Variants in ITGB3BP observed in about 807,000 individuals in gnomAD.
ITGB3BP encodes integrin subunit beta 3 binding protein.
Under a neutral mutation model 29.1 loss-of-function variants are expected in ITGB3BP, and 27 were observed. The observed-to-expected ratio is 0.93, with a 90% CI of 0.68 to 1.28. ITGB3BP has a LOEUF of 1.28. Ranked by LOEUF, ITGB3BP falls within the 50% of genes most tolerant of loss-of-function variation. The pLI is 0.00. For synonymous variants in ITGB3BP, 61 were observed against 61.4 expected, an observed-to-expected ratio of 0.99 and a Z score of 0.03; for missense variants, 192 against 200.2, an observed-to-expected ratio of 0.96 and a Z score of 0.25.
intron 8 of ITGB3BP, among the ~76,000 whole-genome samples, chr1:63,444,358 TTC>T (rs1427793597): frequency 6.6e-6 from 1 of 151,442 alleles, no homozygotes. Flanking sequence ...CTGTTGGATT[TTC>T]ATGGGTCAGA....
chr1:63,474,901 AT>A (rs1463485744), intron 4 of ITGB3BP, among the ~76,000 whole-genome samples: 96 of 35,944 alleles, frequency 2.7e-3, no homozygotes, highest in Middle Eastern at 0.019. Flanking sequence ...AAAAAAAAAA[AT>A]AAATAAATAA....
chr1:63,479,038 T>A (rs957410253), intron 3 of ITGB3BP, among the ~76,000 whole-genome samples: 7 of 152,066 alleles, frequency 4.6e-5, no homozygotes, highest in Non-Finnish European at 7.4e-5. Flanking sequence ...GAAAAAATAA[T>A]CTTTTGAATA....
intron 7 of ITGB3BP, among the ~76,000 whole-genome samples, chr1:63,447,361 G>A (rs1644802417): frequency 6.6e-6 from 1 of 152,222 alleles, no homozygotes; most frequent in South Asian, 2.1e-4. Flanking sequence ...TGTACTGCAT[G>A]TGGAACTTCT....
At chr1:63,471,120 C>G (rs1054197320) in intron 4 of ITGB3BP, among the ~76,000 whole-genome samples, 2 of 152,170 alleles carry the variant, frequency 1.3e-5, no homozygotes, top group Non-Finnish European at 2.9e-5. Context: ...GATTGTCTTG[C>G]AAATCTTTTC....
At chr1:63,469,930 G>T (rs1645167612) in intron 4 of ITGB3BP, among the ~76,000 whole-genome samples, 1 of 152,226 alleles carries the variant, frequency 6.6e-6, no homozygotes, top group Non-Finnish European at 1.5e-5. Context: ...CGGAATGAGG[G>T]CAAGGAACAC....
intron 2 of ITGB3BP, among the ~76,000 whole-genome samples, chr1:63,506,725 A>G (rs917562103): frequency 6.6e-6 from 1 of 152,208 alleles, no homozygotes; most frequent in African/African-American, 2.4e-5. Flanking sequence ...AACAGGCTCC[A>G]CTTCAACCAA....
At chr1:63,514,944 C>CAAAAAAA (rs55738892) in intron 1 of ITGB3BP, among the ~76,000 whole-genome samples, 2 of 117,062 alleles carry the variant, frequency 1.7e-5, no homozygotes, top group Non-Finnish European at 3.6e-5. Flanking sequence ...GACTCTGTCT[C>CAAAAAAA]AAAAAAAAAA....
chr1:63,444,138 T>C (rs546758242), intron 8 of ITGB3BP, among the ~76,000 whole-genome samples: 34 of 152,074 alleles, frequency 2.2e-4, no homozygotes, highest in Non-Finnish European at 7.4e-5. Flanking sequence ...CTTAATTCTT[T>C]CCAGTTTCTT....
At chr1:63,477,312 A>G (rs540071682) in intron 4 of ITGB3BP, among the ~76,000 whole-genome samples, 4 of 152,360 alleles carry the variant, frequency 2.6e-5, no homozygotes, top group Non-Finnish European at 5.9e-5. Flanking sequence ...ACAGATTATA[A>G]CACTATTTGC....
chr1:63,523,749 GTACC>G (rs1360454226), upstream of ITGB3BP: 1 of 155,272 alleles, frequency 6.4e-6, no homozygotes, highest in African/African-American at 2.4e-5. Context: ...GTCCATGTAT[GTACC>G]TAAAATGTAC....
chr1:63,476,595 A>G (rs1225169997), intron 4 of ITGB3BP, among the ~76,000 whole-genome samples: 1 of 152,202 alleles, frequency 6.6e-6, no homozygotes, highest in Non-Finnish European at 1.5e-5. Flanking sequence ...ATTGTTTTAA[A>G]AGTCTAAGCT....
chr1:63,505,730 T>C (rs1646061853), intron 2 of ITGB3BP, among the ~76,000 whole-genome samples: 1 of 152,190 alleles, frequency 6.6e-6, no homozygotes, highest in South Asian at 2.1e-4. Context: ...TTCTCGTTGG[T>C]TTCAAAGAAC....
chr1:63,493,091 C>CGCGCGT (rs1645697608), intron 2 of ITGB3BP, among the ~76,000 whole-genome samples: 1 of 150,284 alleles, frequency 6.7e-6, no homozygotes, highest in African/African-American at 2.5e-5. Context: ...CACACACACG[C>CGCGCGT]GCGCGCGCGC....
chr1:63,450,113 C>T (rs1644841944), intron 7 of ITGB3BP, among the ~76,000 whole-genome samples: 1 of 151,848 alleles, frequency 6.6e-6, no homozygotes, highest in Non-Finnish European at 1.5e-5. Context: ...TGTAAGAATA[C>T]AGAAAGTTAA....
chr1:63,528,651 T>C (rs1246643445), intron 2 of ITGB3BP, among the ~76,000 whole-genome samples: 4 of 152,030 alleles, frequency 2.6e-5, no homozygotes, highest in African/African-American at 9.7e-5. Context: ...TGCATACCTG[T>C]ATCAAAAAAT....
At chr1:63,448,201 GATA>G in intron 7 of ITGB3BP, among the ~76,000 whole-genome samples, 1 of 96,360 alleles carries the variant, frequency 1.0e-5, no homozygotes, top group Non-Finnish European at 1.9e-5. Context: ...AGGGGGGAGG[GATA>G]GCATTAGGAG....
chr1:63,510,874 G>A (rs1296890776), intron 1 of ITGB3BP, among the ~76,000 whole-genome samples: 3 of 152,030 alleles, frequency 2.0e-5, no homozygotes, highest in Non-Finnish European at 2.9e-5. Flanking sequence ...ACACAATGAC[G>A]AGAATATACT....
chr1:63,453,126 G>A (rs1328582203), intron 7 of ITGB3BP, among the ~76,000 whole-genome samples: 1 of 152,102 alleles, frequency 6.6e-6, no homozygotes, highest in Non-Finnish European at 1.5e-5. Flanking sequence ...TTCGTTCCTT[G>A]TCTATAATGA....
At chr1:63,481,305 C>T (rs1010220583) in intron 3 of ITGB3BP, among the ~76,000 whole-genome samples, 1 of 152,056 alleles carries the variant, frequency 6.6e-6, no homozygotes, top group African/African-American at 2.4e-5. Flanking sequence ...AAATAATTTT[C>T]AGCTGTTAAA....
Sources: allele counts gnomAD v4.1 joint callset (sites outside exome capture counted in the v4.1 genomes callset), GRCh38; gene constraint gnomAD v4.1.1; transcripts MANE v1.5; gene names NCBI Gene and HGNC (gene_info 2026-07-23, HGNC 2026-07-21).